The following ADAMTS3 variants were observed in gnomAD, a reference collection of about 807,000 sequenced individuals.
ADAMTS3 encodes the protein A disintegrin and metalloproteinase with thrombospondin motifs 3.
Under a neutral mutation model 129.0 loss-of-function variants are expected in ADAMTS3, and 73 were observed. The ratio of observed to expected loss-of-function variants is 0.57; its 90% CI spans 0.47 to 0.69. The LOEUF (loss-of-function observed/expected upper bound fraction) is 0.69. Among genes scored for constraint, ADAMTS3 ranks in the 30% least tolerant of loss-of-function variants. The pLI is 0.00. For missense variants in ADAMTS3, 1,457 were observed against 1,514.5 expected (o/e 0.96, Z 0.63); for synonymous variants, 477 against 510.8 (o/e 0.93, Z 0.89).
At chr4:72,550,677 G>C (rs1269948513) in intron 2 of ADAMTS3, among the ~76,000 whole-genome samples, 1 of 152,138 alleles carries the variant, frequency 6.6e-6, no homozygotes, top group Non-Finnish European at 1.5e-5. Context: ...CTTCCAAGAA[G>C]GTTGTGAGGA....
chr4:72,390,857 A>G (rs749010759), intron 4 of ADAMTS3, among the ~76,000 whole-genome samples: 5 of 151,626 alleles, frequency 3.3e-5, no homozygotes, highest in Admixed American at 6.6e-5. Flanking sequence ...TAACTTCCCA[A>G]TGGTGACTCC....
At chr4:72,411,426 A>G (rs1348987634) in intron 4 of ADAMTS3, among the ~76,000 whole-genome samples, 2 of 152,072 alleles carry the variant, frequency 1.3e-5, no homozygotes, top group Non-Finnish European at 2.9e-5. Context: ...AGTCCTCCTT[A>G]TCTATAGCAA....
intron 3 of ADAMTS3, among the ~76,000 whole-genome samples, chr4:72,455,150 TTC>T (rs1424940751): frequency 4.0e-5 from 6 of 151,720 alleles, no homozygotes; most frequent in African/African-American, 1.4e-4. Context: ...TAACTTTTTA[TTC>T]TCTCTACAAA....
chr4:72,550,661 C>G (rs2109792414), intron 2 of ADAMTS3, among the ~76,000 whole-genome samples: 1 of 152,262 alleles, frequency 6.6e-6, no homozygotes, highest in East Asian at 1.9e-4. Context: ...TAAACACAGA[C>G]TTGGTCTTCC....
intron 3 of ADAMTS3, among the ~76,000 whole-genome samples, chr4:72,431,294 C>T (rs1292829123): frequency 6.6e-6 from 1 of 151,900 alleles, no homozygotes; most frequent in Non-Finnish European, 1.5e-5. Context: ...GCGGATAATA[C>T]GTGAGGAGCA....
At chr4:72,499,689 T>C (rs932470475) in intron 3 of ADAMTS3, among the ~76,000 whole-genome samples, 4 of 152,120 alleles carry the variant, frequency 2.6e-5, no homozygotes, top group Non-Finnish European at 4.4e-5. Context: ...GTATATTGCA[T>C]GATGCTGAGG....
chr4:72,489,899 G>T (rs907957070), intron 3 of ADAMTS3, among the ~76,000 whole-genome samples: 2 of 151,780 alleles, frequency 1.3e-5, no homozygotes, highest in Admixed American at 1.3e-4. Flanking sequence ...TAGATCGCTG[G>T]AATATATGTA....
chr4:72,297,037 ATGT>A (rs1473908137), intron 18 of ADAMTS3, among the ~76,000 whole-genome samples: 2 of 152,144 alleles, frequency 1.3e-5, no homozygotes, highest in African/African-American at 4.8e-5. Context: ...ACATAAAGTG[ATGT>A]TGTGTCTTCA....
intron 3 of ADAMTS3, among the ~76,000 whole-genome samples, chr4:72,415,787 T>C (rs1722290102): frequency 6.6e-6 from 1 of 152,110 alleles, no homozygotes; most frequent in South Asian, 2.1e-4. Context: ...TAAAATGCGA[T>C]ATTTCTTAAA....
At chr4:72,303,017 C>G (rs571908081) in intron 17 of ADAMTS3, among the ~76,000 whole-genome samples, 2 of 152,114 alleles carry the variant, frequency 1.3e-5, no homozygotes, top group Non-Finnish European at 2.9e-5. Context: ...GGAGTTTTAG[C>G]CATTCAGGGA....
At chr4:72,340,193 C>T (rs1238331100) in intron 4 of ADAMTS3, among the ~76,000 whole-genome samples, 1 of 151,986 alleles carries the variant, frequency 6.6e-6, no homozygotes, top group Non-Finnish European at 1.5e-5. Context: ...AGCAGGGCAA[C>T]ACAACAGCAT....
intron 3 of ADAMTS3, among the ~76,000 whole-genome samples, chr4:72,515,238 T>C (rs1419815225): frequency 6.6e-6 from 1 of 152,104 alleles, no homozygotes; most frequent in Admixed American, 6.6e-5. Context: ...TCTATCATTG[T>C]TGGACATTTG....
rs1560553379 is a variant in ADAMTS3, at chr4:72,530,003, A to ATATAATATATTATATTTATAT, written c.504+18474_504+18475insATATAAATATAATATATTATA. Among the ~76,000 whole-genome samples, 67 of 7,790 alleles carry ATATAATATATTATATTTATAT rather than the reference A, an allele frequency of 8.6e-3. 20 individuals carry two copies. The highest frequency in any genetic ancestry group is 0.033 in the African/African-American group (51 of 1,550). The allele number at this position is 7,790 out of a possible 152,430, so 5.1% of individuals were successfully genotyped here. On this transcript the variant is annotated intron_variant, in intron 3 of 21. Coordinates refer to ENST00000286657, the MANE Select transcript of ADAMTS3 (RefSeq NM_014243.3). ...AATATAATATATTATATTTATATAT[A>ATATAATATATTATATTTATAT]ATATATAATATATTATATTTATATA...
At position 72,281,534 on chromosome 4, in the gene ADAMTS3, T is replaced by C. The variant is rs1329329205; in HGVS notation, c.*1602A>G. ...TATCTCTTTCAAAAACTTTTAAAAA[T>C]GTTTCTAATTCACAATTTCATTGAA... On this transcript the variant is annotated 3_prime_UTR_variant, in exon 22 of 22. Coordinates refer to ENST00000286657, the MANE Select transcript of ADAMTS3 (RefSeq NM_014243.3). The C allele has an allele frequency of 6.6e-6, 1 of 152,220 alleles. No homozygotes were observed. Among genetic ancestry groups the C allele is most frequent in the Non-Finnish European group, 1.5e-5 (1 of 68,034 alleles). The allele number at this position is 152,220 out of a possible 1,614,324, so 9.4% of individuals were successfully genotyped here. A position where few individuals can be genotyped will look rare whatever the true frequency, so the allele number is the denominator to read the frequency against.
In ADAMTS3 at chr4:72,562,582, T is replaced by G. The variant is rs1026530388; in HGVS notation, c.97+4792A>C. The stretch of plus-strand genomic sequence containing the variant: ...AAAACATTAAACAAAACAAAAACAG[T>G]TATACAAAAAATACAGTGTGTGTAC... On this transcript the variant is annotated intron_variant, in intron 2 of 21. Coordinates refer to ENST00000286657, the MANE Select transcript of ADAMTS3 (RefSeq NM_014243.3). Among the ~76,000 whole-genome samples the G allele has an allele frequency of 1.2e-4, 19 of 152,218 alleles. No individual in the cohort carries two copies. In the South Asian group the frequency reaches 3.3e-3, roughly 27 times the overall value.
chr4:72,416,548 T>C (rs1433396858), intron 3 of ADAMTS3, among the ~76,000 whole-genome samples: 1 of 152,170 alleles, frequency 6.6e-6, no homozygotes, highest in Non-Finnish European at 1.5e-5. Flanking sequence ...GGGTACTTAG[T>C]AGTAATGCTG....
At chr4:72,476,514 T>C (rs918738536) in intron 3 of ADAMTS3, among the ~76,000 whole-genome samples, 1 of 151,878 alleles carries the variant, frequency 6.6e-6, no homozygotes, top group Non-Finnish European at 1.5e-5. Context: ...CCCAGATGGG[T>C]TCAATGGAGA....
chr4:72,405,659 T>A (rs1722032337), intron 4 of ADAMTS3, among the ~76,000 whole-genome samples: 1 of 152,082 alleles, frequency 6.6e-6, no homozygotes, highest in African/African-American at 2.4e-5. Flanking sequence ...AAAAAGCATA[T>A]AATTAGAAGA....
At chr4:72,460,617 C>T (rs997285706) in intron 3 of ADAMTS3, among the ~76,000 whole-genome samples, 3 of 150,560 alleles carry the variant, frequency 2.0e-5, no homozygotes, top group Admixed American at 1.3e-4. Flanking sequence ...AAAAACCATG[C>T]CTAAAATTAA....
Sources: allele counts gnomAD v4.1 joint callset (sites outside exome capture counted in the v4.1 genomes callset), GRCh38; gene constraint gnomAD v4.1.1; transcripts MANE v1.5; gene names NCBI Gene and HGNC (gene_info 2026-07-23, HGNC 2026-07-21).